SPOCK3: variants seen among roughly 807,000 people sequenced by gnomAD.
SPOCK3 encodes the protein SPARC (osteonectin), cwcv and kazal like domains proteoglycan 3.
A neutral mutation model predicts 56.6 loss-of-function variants in SPOCK3; 30 were observed. That is an observed-to-expected ratio of 0.53 (90% confidence interval 0.40 to 0.72). SPOCK3 has a LOEUF of 0.72. SPOCK3 is among the 30% of genes least tolerant of loss of function. The pLI is 0.00. For missense variants in SPOCK3, 527 were observed against 530.0 expected, an observed-to-expected ratio of 0.99 and a Z score of 0.06; for synonymous variants, 196 against 183.3, an observed-to-expected ratio of 1.07 and a Z score of -0.56.
intron 5 of SPOCK3, among the ~76,000 whole-genome samples, chr4:166,899,745 A>C (rs1378113319): frequency 2.6e-5 from 4 of 151,878 alleles, no homozygotes; most frequent in African/African-American, 9.7e-5. Flanking sequence ...TCGAACTCCT[A>C]ACCTCATGAC....
chr4:167,019,076 C>T (rs1561126263), intron 3 of SPOCK3, among the ~76,000 whole-genome samples: 1 of 152,040 alleles, frequency 6.6e-6, no homozygotes, highest in African/African-American at 2.4e-5. Flanking sequence ...CGACACACCA[C>T]CAACTCATTA....
At chr4:167,015,358 C>T (rs1256215840) in intron 3 of SPOCK3, among the ~76,000 whole-genome samples, 1 of 151,998 alleles carries the variant, frequency 6.6e-6, no homozygotes, top group Non-Finnish European at 1.5e-5. Flanking sequence ...TTTTGTAAAA[C>T]CAATAATAAT....
chr4:166,930,936 A>G (rs1158117995), intron 4 of SPOCK3, among the ~76,000 whole-genome samples: 1 of 152,130 alleles, frequency 6.6e-6, no homozygotes. Flanking sequence ...TAGGGGTTTC[A>G]TTAATGTCTC....
intron 5 of SPOCK3, among the ~76,000 whole-genome samples, chr4:166,910,960 A>G (rs895904261): frequency 8.5e-5 from 13 of 152,208 alleles, no homozygotes; most frequent in African/African-American, 3.1e-4. Context: ...ATCCTTCATT[A>G]TAAGTCAATA....
chr4:167,029,392 T>G (rs973716856), intron 3 of SPOCK3, among the ~76,000 whole-genome samples: 3 of 152,076 alleles, frequency 2.0e-5, no homozygotes, highest in Admixed American at 2.0e-4. Context: ...TGTACCATTA[T>G]TTTTTGCATT....
intron 7 of SPOCK3, among the ~76,000 whole-genome samples, chr4:166,755,278 C>A (rs1270641278): frequency 1.3e-5 from 2 of 152,036 alleles, no homozygotes; most frequent in African/African-American, 4.8e-5. Flanking sequence ...GTAATTTACA[C>A]AGCCACTTGG....
chr4:166,913,366 T>G (rs1395276512), intron 4 of SPOCK3, among the ~76,000 whole-genome samples: 1 of 152,152 alleles, frequency 6.6e-6, no homozygotes, highest in African/African-American at 2.4e-5. Context: ...CTTACGATTG[T>G]TTGTTTCCCC....
chr4:167,003,046 C>G (rs1749105255), intron 3 of SPOCK3, among the ~76,000 whole-genome samples: 1 of 149,782 alleles, frequency 6.7e-6, no homozygotes, highest in African/African-American at 2.5e-5. Flanking sequence ...TTTGATTAAT[C>G]TAGTTACGAT....
intron 3 of SPOCK3, among the ~76,000 whole-genome samples, chr4:167,050,692 T>C (rs568700458): frequency 6.6e-6 from 1 of 152,132 alleles, no homozygotes; most frequent in Admixed American, 6.5e-5. Context: ...GGGATATACA[T>C]ACAATAAAAT....
intron 5 of SPOCK3, among the ~76,000 whole-genome samples, chr4:166,897,706 A>C (rs1735538727): frequency 6.6e-6 from 1 of 152,140 alleles, no homozygotes; most frequent in Non-Finnish European, 1.5e-5. Context: ...AAATGGGATA[A>C]AATTTTCAGA....
At chr4:167,097,404 T>C (rs1467142506) in intron 2 of SPOCK3, among the ~76,000 whole-genome samples, 2 of 151,878 alleles carry the variant, frequency 1.3e-5, no homozygotes, top group Non-Finnish European at 2.9e-5. Context: ...ATTAGGCTTC[T>C]GTTAATACTG....
At chr4:167,123,967 G>A (rs1254598359) in intron 2 of SPOCK3, among the ~76,000 whole-genome samples, 3 of 151,752 alleles carry the variant, frequency 2.0e-5, no homozygotes, top group Non-Finnish European at 4.4e-5. Context: ...GGCTGGTCTC[G>A]AACTCCTGAC....
intron 7 of SPOCK3, among the ~76,000 whole-genome samples, chr4:166,764,037 A>C (rs546060780): frequency 6.6e-6 from 1 of 151,950 alleles, no homozygotes; most frequent in Non-Finnish European, 1.5e-5. Flanking sequence ...GGGGCCTTTG[A>C]TGGTTTGGGG....
At chr4:166,873,770 A>C (rs958201120) in intron 6 of SPOCK3, among the ~76,000 whole-genome samples, 2 of 152,128 alleles carry the variant, frequency 1.3e-5, no homozygotes, top group Non-Finnish European at 2.9e-5. Flanking sequence ...TTTTCTCTAC[A>C]CTAGGCACTG....
intron 4 of SPOCK3, among the ~76,000 whole-genome samples, chr4:166,921,323 A>ATTTTT (rs746455090): frequency 1.4e-5 from 2 of 138,226 alleles, no homozygotes; most frequent in South Asian, 2.3e-4. Flanking sequence ...CATGTGTTGA[A>ATTTTT]TTTTTTTTTT....
chr4:166,910,504 G>A (rs139339236), intron 5 of SPOCK3, among the ~76,000 whole-genome samples: 20 of 152,180 alleles, frequency 1.3e-4, no homozygotes, highest in Admixed American at 2.6e-4. Context: ...ATTAATCTAC[G>A]TATAATACGT....
At chr4:166,754,426 G>A (rs1579126443) in intron 8 of SPOCK3, 82 bp downstream of exon 8, 1 of 1,508,556 alleles carries the variant, frequency 6.6e-7, no homozygotes, top group African/African-American at 1.4e-5. Flanking sequence ...TGAGCATAGT[G>A]TACTGTTTTA....
intron 2 of SPOCK3, among the ~76,000 whole-genome samples, chr4:167,069,780 G>A (rs1756504006): frequency 6.6e-6 from 1 of 151,906 alleles, no homozygotes; most frequent in African/African-American, 2.4e-5. Flanking sequence ...GCTGGCTTTA[G>A]CCTTAGAAAA....
chr4:167,223,875 C>A (rs994261149), intron 2 of SPOCK3, among the ~76,000 whole-genome samples: 1 of 151,976 alleles, frequency 6.6e-6, no homozygotes, highest in Non-Finnish European at 1.5e-5. Flanking sequence ...TTATCAATTT[C>A]TAGACAAGGA....
Sources: allele counts gnomAD v4.1 joint callset (sites outside exome capture counted in the v4.1 genomes callset), GRCh38; gene constraint gnomAD v4.1.1; transcripts MANE v1.5; gene names NCBI Gene and HGNC (gene_info 2026-07-23, HGNC 2026-07-21).